Variants in SHROOM2 observed in about 807,000 individuals in gnomAD.
SHROOM2 encodes the protein protein Shroom2.
Under a neutral mutation model 75.9 loss-of-function variants are expected in SHROOM2, and 33 were observed. The ratio of observed to expected loss-of-function variants is 0.43; its 90% CI spans 0.33 to 0.58. The LOEUF is 0.58. SHROOM2 is among the 20% of genes least tolerant of loss of function. The pLI is 0.04. For synonymous variants in SHROOM2, 655 were observed against 663.6 expected, an observed-to-expected ratio of 0.99 and a Z score of 0.20; for missense variants, 1,434 against 1,461.2, an observed-to-expected ratio of 0.98 and a Z score of 0.30.
At chrX:9,928,167 A>G (rs778984939) in intron 5 of SHROOM2, among the ~76,000 whole-genome samples, 138 of 112,209 alleles carry the variant, frequency 1.2e-3, no homozygotes, top group African/African-American at 4.2e-3. Flanking sequence ...CGGCCAGCCC[A>G]GGGAGAATGG....
chrX:9,881,378 A>C (rs1431404904), intron 2 of SHROOM2, among the ~76,000 whole-genome samples: 2 of 111,485 alleles, frequency 1.8e-5, no homozygotes, highest in East Asian at 5.6e-4. Context: ...ATGTAAAGAC[A>C]CAGAGGAATG....
intron 9 of SHROOM2, 100 bp downstream of exon 9, chrX:9,945,013 T>A (rs1405575092): frequency 3.3e-6 from 3 of 903,836 alleles, no homozygotes; most frequent in Middle Eastern, 5.8e-4. Context: ...CTAGCATAGC[T>A]TCCACATGGC....
At chrX:9,799,237 G>T (rs936811458) in intron 1 of SHROOM2, among the ~76,000 whole-genome samples, 1 of 87,211 alleles carries the variant, frequency 1.1e-5, no homozygotes, top group Admixed American at 1.6e-4. Context: ...GCATGATCTT[G>T]GCTCACTGCA....
intron 1 of SHROOM2, among the ~76,000 whole-genome samples, chrX:9,870,110 C>A (rs755310372): frequency 1.8e-5 from 2 of 111,261 alleles, no homozygotes; most frequent in Admixed American, 9.6e-5. Flanking sequence ...CCTGTAGTAC[C>A]AGCTATTCGG....
chrX:9,856,712 C>T (rs191462362), intron 1 of SHROOM2, among the ~76,000 whole-genome samples: 42 of 111,799 alleles, frequency 3.8e-4, no homozygotes, highest in African/African-American at 1.3e-3. Context: ...TCCTGGCCTC[C>T]GTGACTCTTC....
rs763829760 is a variant in SHROOM2 at position 9,894,338 on chromosome X, CCTT to C, written c.450-14_450-12del. Reference sequence around the variant, plus strand: ...GTTGCTAAAGCACACCATGCCTTGTCCTTCTTCTCATTCTTGCAGTTCTTCCTC... The same window carrying C: ...GTTGCTAAAGCACACCATGCCTTGTCCTTCTCATTCTTGCAGTTCTTCCTC... On this transcript the variant is annotated splice_polypyrimidine_tract_variant and intron_variant, in intron 3 of 9. Transcript: ENST00000380913. 3.4e-5 allele frequency: 40 copies of C among 1,193,055 alleles called. No homozygotes were observed. In the African/African-American group the frequency reaches 4.2e-4, roughly 13 times the overall value.
intron 1 of SHROOM2, chrX:9,865,038 A>T (rs1333266338): frequency 9.0e-6 from 1 of 110,984 alleles, no homozygotes; most frequent in East Asian, 2.8e-4. Flanking sequence ...ACCTATGAGT[A>T]TAAGTAATTT....
chrX:9,907,539 T>G (rs943597270), intron 5 of SHROOM2, among the ~76,000 whole-genome samples: 4 of 111,066 alleles, frequency 3.6e-5, no homozygotes, highest in Non-Finnish European at 7.5e-5. Context: ...TCGGGTGGTG[T>G]CAGATGGTAA....
At chrX:9,867,392 G>A (rs1029894282) in intron 1 of SHROOM2, among the ~76,000 whole-genome samples, 5 of 111,503 alleles carry the variant, frequency 4.5e-5, no homozygotes, top group African/African-American at 1.6e-4. Context: ...CTAGCTTTTT[G>A]TAGAGGGGCT....
intron 5 of SHROOM2, among the ~76,000 whole-genome samples, chrX:9,924,675 A>G (rs1429065471): frequency 9.2e-6 from 1 of 108,571 alleles, no homozygotes; most frequent in African/African-American, 3.5e-5. Context: ...TTGTTTTTAG[A>G]GACAGGGTCT....
rs191389194 is a variant in SHROOM2, at chrX:9,806,791, C to T, written c.165+20081C>T. On this transcript the variant is annotated intron_variant, in intron 1 of 9. Transcript: ENST00000380913. The stretch of plus-strand genomic sequence containing the variant: ...CAGGCTGGAGTGCAGTGGCACTATC[C>T]GGGCTCACTGCAACCTCCACCTCCC... 1.8e-3 allele frequency among the ~76,000 whole-genome samples: 192 copies of T among 108,718 alleles called. 1 individual carries two copies. The highest frequency in any genetic ancestry group is 0.014 in the Middle Eastern group (3 of 212). 94.4% of individuals were successfully genotyped at this position (108,718 alleles called of 115,157 possible).
intron 5 of SHROOM2, among the ~76,000 whole-genome samples, chrX:9,913,615 G>A (rs140084114): frequency 7.1e-5 from 8 of 112,268 alleles, no homozygotes; most frequent in African/African-American, 2.6e-4. Context: ...GCACACACAG[G>A]CTGTCTCTTT....
At chrX:9,817,282 CTTT>C (rs55943624) in intron 1 of SHROOM2, among the ~76,000 whole-genome samples, 2 of 98,724 alleles carry the variant, frequency 2.0e-5, no homozygotes, top group Admixed American at 1.1e-4. Context: ...CTCCCTCTAA[CTTT>C]TTTTTTTTTT....
intron 2 of SHROOM2, among the ~76,000 whole-genome samples, chrX:9,874,012 G>C (rs1454977932): frequency 8.9e-6 from 1 of 112,334 alleles, no homozygotes; most frequent in Non-Finnish European, 1.9e-5. Flanking sequence ...AAATTTTAAT[G>C]TATTAAGTGG....
chrX:9,827,223 C>CTTTTTTTT (rs397953893), intron 1 of SHROOM2, among the ~76,000 whole-genome samples: 28,925 of 59,124 alleles, frequency 0.49, 7,131 homozygotes, highest in East Asian at 0.73. Context: ...TTTTCTTTTT[C>CTTTTTTTT]TTTTTTTTTT....
At chrX:9,865,328 C>G (rs2084128965) in intron 1 of SHROOM2, 1 of 111,114 alleles carries the variant, frequency 9.0e-6, no homozygotes, top group African/African-American at 3.3e-5. Flanking sequence ...AAAGTATTCC[C>G]CTGGCATATA....
intron 1 of SHROOM2, among the ~76,000 whole-genome samples, chrX:9,845,027 C>T (rs948641945): frequency 1.8e-5 from 2 of 110,350 alleles, no homozygotes; most frequent in Admixed American, 1.9e-4. Context: ...CTGTTAGGAG[C>T]CCGTAAATGT....
At chrX:9,826,584 C>T (rs2083888642) in intron 1 of SHROOM2, among the ~76,000 whole-genome samples, 1 of 110,013 alleles carries the variant, frequency 9.1e-6, no homozygotes, top group South Asian at 3.9e-4. Context: ...GCAGTCTGGG[C>T]AATATGGTGA....
Position 9,932,682 on chromosome X carries a change from G to A in SHROOM2, c.3399G>A (p.Glu1133=), listed in dbSNP as rs1354238532. The stretch of plus-strand genomic sequence containing the variant: ...ACACCCCGAAGGCCACTGTCTGTGA[G>A]CGTGGAAGCCAGCATGTGAGCGGGG... The part of the protein sequence containing the change: ...PQDTPKATVC[E]RGSQHVSGDA... The change falls in exon 6 of 10, where the codon GAG becomes GAA. Residue 1133 remains glutamate (E), a synonymous_variant. Coordinates refer to ENST00000380913, the MANE Select transcript of SHROOM2 (RefSeq NM_001649.4). The A allele has an allele frequency of 5.0e-6, 6 of 1,210,308 alleles. No homozygotes were observed. The highest frequency in any genetic ancestry group is 6.7e-6 in the Non-Finnish European group (6 of 895,243).
Sources: allele counts gnomAD v4.1 joint callset (sites outside exome capture counted in the v4.1 genomes callset), GRCh38; gene constraint gnomAD v4.1.1; transcripts MANE v1.5; gene names NCBI Gene and HGNC (gene_info 2026-07-23, HGNC 2026-07-21).